IDUA: variants seen among roughly 807,000 people sequenced by gnomAD.
IDUA encodes the protein alpha-L-iduronidase, also known as iduronidase alpha-L-.
A neutral mutation model predicts 68.9 loss-of-function variants in IDUA; 65 were observed. The ratio of observed to expected loss-of-function variants is 0.94; its 90% CI spans 0.77 to 1.16. The LOEUF is 1.16. Among genes scored for constraint, IDUA ranks in the 50% most tolerant of loss-of-function variants. IDUA has a pLI of 0.00. For synonymous variants in IDUA, 529 were observed against 433.6 expected, an observed-to-expected ratio of 1.22 and a Z score of -2.73; for missense variants, 1,046 against 938.0, an observed-to-expected ratio of 1.12 and a Z score of -1.50.
At position 1,002,128 on chromosome 4, in the gene IDUA, G is replaced by A. The variant is rs540430727; in HGVS notation, c.939G>A (p.Arg313=). 1.1e-5 allele frequency: 18 copies of A among 1,566,212 alleles called. No homozygotes were observed. In the East Asian group the frequency reaches 3.1e-4, roughly 27 times the overall value. ...LVGWSLPQPW[R]ADVTYAAMVV... ...GCTGGTCCCTGCCACAGCCGTGGAGGGCGGACGTGACCTACGCGGCCATGG... is the reference window on the plus strand; with the variant it reads ...GCTGGTCCCTGCCACAGCCGTGGAGAGCGGACGTGACCTACGCGGCCATGG... The change falls in exon 7 of 14, where the codon AGG becomes AGA. Residue 313 remains arginine, a synonymous_variant. Coordinates refer to ENST00000514224, the MANE Select transcript of IDUA (RefSeq NM_000203.5).
rs1158131878 is a variant in IDUA, at chr4:1,000,941, G to A, written c.445G>A (p.Val149Met). 16 of 1,613,402 alleles carry A rather than the reference G, an allele frequency of 9.9e-6. No individual in the cohort carries two copies. Among genetic ancestry groups the A allele is most frequent in the Non-Finnish European group, 1.2e-5 (14 of 1,179,964 alleles). ...CACTGACTTTGAGGACAAGCAGCAG[G>A]TGTTTGAGTGGAAGGACTTGGTCTC... ...HFTDFEDKQQ[V>M]FEWKDLVSSL... Residue 149 changes from valine (V) to methionine (M), a missense_variant, in exon 4 of 14, where the codon GTG (valine) becomes ATG (methionine). Coordinates refer to ENST00000514224, the MANE Select transcript of IDUA (RefSeq NM_000203.5).
intron 2 of IDUA, chr4:989,033 C>T: frequency 6.3e-7 from 1 of 1,582,016 alleles, no homozygotes; most frequent in Non-Finnish European, 8.6e-7. Context: ...GCCCCGTAGT[C>T]TCGGCGCAGG....
At chr4:991,458 G>T in intron 2 of IDUA, 1 of 1,612,644 alleles carries the variant, frequency 6.2e-7, no homozygotes, top group African/African-American at 1.3e-5. Flanking sequence ...GCGGCACCAG[G>T]ATGATGCCGA....
At position 1,002,031 on chromosome 4, in the gene IDUA, A is replaced by G. The variant is rs780587786; in HGVS notation, c.842A>G (p.Gln281Arg). 6.3e-7 allele frequency: 1 copy of G among 1,598,768 alleles called. No homozygotes were observed. Among genetic ancestry groups the G allele is most frequent in the Non-Finnish European group, 8.5e-7 (1 of 1,174,354 alleles). The part of the protein sequence containing the change: ...SILEQEKVVA[Q>R]QIRQLFPKFA... ...CTGGAGCAGGAGAAGGTCGTCGCGC[A>G]GCAGATCCGGCAGCTCTTCCCCAAG... Residue 281 changes from glutamine (Q) to arginine (R), a missense_variant, in exon 7 of 14, where the codon CAG becomes CGG. Physicochemically the swap from Gln to Arg is conservative, Grantham distance 43. Coordinates refer to ENST00000514224, the MANE Select transcript of IDUA (RefSeq NM_000203.5).
intron 2 of IDUA, chr4:991,856 G>C (rs1714375032): frequency 6.6e-7 from 1 of 1,518,460 alleles, no homozygotes; most frequent in East Asian, 2.4e-5. Flanking sequence ...ATTGGTGCTG[G>C]GCCTTCTCCT....
rs1053395765 is a variant in IDUA, at chr4:1,004,244, GT to G, written c.1829-15del. 6.2e-7 allele frequency: 1 copy of G among 1,609,326 alleles called. No homozygotes were observed. The highest frequency in any genetic ancestry group is 1.3e-5 in the African/African-American group (1 of 74,886). On this transcript the variant is annotated splice_polypyrimidine_tract_variant and intron_variant, in intron 13 of 13. Coordinates refer to ENST00000514224, the MANE Select transcript of IDUA (RefSeq NM_000203.5). The surrounding 1 kb of genome is among the most constrained non-coding windows in gnomAD (Gnocchi z 5.0). The stretch of plus-strand genomic sequence containing the variant: ...GGGGCAGGTTCCGGTTGGCACACAT[GT>G]CCCCTTGTCTCCAGACACAGGTGCT...
Position 1,003,375 on chromosome 4 carries a change from C to G in IDUA, c.1555C>G (p.Pro519Ala). The G allele has an allele frequency of 6.7e-7, 1 of 1,490,054 alleles. No homozygotes were observed. The highest frequency in any genetic ancestry group is 8.9e-7 in the Non-Finnish European group (1 of 1,129,528). The allele number at this position is 1,490,054 out of a possible 1,614,324, so 92.3% of individuals were successfully genotyped here. ...GGTGGCCGCGGCGCCCCGCCCCTTA[C>G]CCGCCGGCGGCCGCCTGACCCTGCG... Reference protein sequence around the residue: ...DPVAAAPRPLPAGGRLTLRPA... With the variant: ...DPVAAAPRPLAAGGRLTLRPA... The change falls in exon 11 of 14, where the codon CCC becomes GCC. Residue 519 changes from proline (P) to alanine (A), a missense_variant. Transcript: ENST00000514224.
intron 2 of IDUA, chr4:992,074 C>T (rs1464717740): frequency 1.9e-6 from 1 of 535,910 alleles, no homozygotes; most frequent in Non-Finnish European, 3.6e-6. Flanking sequence ...CTGAAAACCA[C>T]CCTGTAGCCT....
At chr4:990,050 G>A in intron 2 of IDUA, 1 of 1,601,152 alleles carries the variant, frequency 6.2e-7, no homozygotes, top group Non-Finnish European at 8.5e-7. Flanking sequence ...ACGATGACCA[G>A]CAGCTCCGTG....
chr4:987,762 C>T, intron 1 of IDUA, 47 bp from the exon 2 acceptor site: 2 of 1,610,158 alleles, frequency 1.2e-6, no homozygotes, highest in Non-Finnish European at 1.7e-6. Context: ...GCCGCGCTGC[C>T]AGCCATGCTG....
Position 1,002,008 on chromosome 4 carries a change from G to T in IDUA, c.819G>T (p.Leu273=). ...RKGARSSISI[L]EQEKVVAQQI... Reference sequence around the variant, plus strand: ...GTGCGCGCAGCTCCATCTCCATCCTGGAGCAGGAGAAGGTCGTCGCGCAGC... The same window carrying T: ...GTGCGCGCAGCTCCATCTCCATCCTTGAGCAGGAGAAGGTCGTCGCGCAGC... The change falls in exon 7 of 14, where the codon CTG becomes CTT. Residue 273 remains leucine (L), a synonymous_variant. Transcript: ENST00000514224. 1 of 1,594,612 alleles carries T rather than the reference G, an allele frequency of 6.3e-7. No individual in the cohort carries two copies. The highest frequency in any genetic ancestry group is 1.8e-5 in the Admixed American group (1 of 56,374).
In IDUA at chr4:988,924, T is replaced by C. The variant is rs1713967212; in HGVS notation, c.299+975T>C. The C allele has an allele frequency of 3.1e-6, 5 of 1,602,732 alleles. No homozygotes were observed. The East Asian group carries it at 1.1e-4, about 36-fold the overall frequency. ...CACACTGAGGAACAGCTGCTCCTCCTCAGCCGTGTCCCCGGGGCCCTCCCC... is the reference window on the plus strand; with the variant it reads ...CACACTGAGGAACAGCTGCTCCTCCCCAGCCGTGTCCCCGGGGCCCTCCCC... On this transcript the variant is annotated intron_variant, in intron 2 of 13. Coordinates refer to ENST00000514224, the MANE Select transcript of IDUA (RefSeq NM_000203.5).
chr4:994,395 C>T (rs1236113681), intron 2 of IDUA, among the ~76,000 whole-genome samples: 2 of 151,952 alleles, frequency 1.3e-5, no homozygotes, highest in African/African-American at 4.8e-5. Flanking sequence ...CCTGCCTCAG[C>T]CTCCTGAGTA....
rs886043347 is a variant in IDUA, at chr4:1,004,329, C to T, written c.1898C>T (p.Ser633Leu). 14 of 1,611,658 alleles carry T rather than the reference C, an allele frequency of 8.7e-6. No individual in the cohort carries two copies. The highest frequency in any genetic ancestry group is 3.3e-5 in the Admixed American group (2 of 59,990). Residue 633 changes from serine (S) to leucine (L), a missense_variant, in exon 14 of 14, where the codon TCG (serine) becomes TTG (leucine). Ser to Leu is a moderately radical substitution (Grantham distance 145). Coordinates refer to ENST00000514224, the MANE Select transcript of IDUA (RefSeq NM_000203.5). This position sits in a 1 kb window ranked among gnomAD's most constrained non-coding sequence, Gnocchi z 5.0. Reference sequence around the variant, plus strand: ...TACTGGGCCCGACCAGGCCCCTTCTCGGACCCTGTGCCGTACCTGGAGGTC... The same window carrying T: ...TACTGGGCCCGACCAGGCCCCTTCTTGGACCCTGTGCCGTACCTGGAGGTC... ...LDYWARPGPF[S>L]DPVPYLEVPV...
At chr4:988,022 C>T in intron 2 of IDUA, 73 bp downstream of exon 2, 2 of 1,503,052 alleles carry the variant, frequency 1.3e-6, no homozygotes, top group Non-Finnish European at 1.8e-6. Context: ...GGGCTGGGGG[C>T]TGCTCGGAAG....
intron 2 of IDUA, chr4:991,277 G>C (rs1219815765): frequency 1.2e-6 from 2 of 1,612,598 alleles, no homozygotes; most frequent in African/African-American, 2.7e-5. Context: ...AAGCCGGCCA[G>C]CTGGAGCTCC....
Position 1,002,174 on chromosome 4 carries a change from A to G in IDUA, c.972+13A>G. 1.9e-6 allele frequency: 3 copies of G among 1,556,714 alleles called. No homozygotes were observed. Among genetic ancestry groups the G allele is most frequent in the Non-Finnish European group, 2.6e-6 (3 of 1,150,924 alleles). ...CATGGTGGTGAAGGTGGGCCGGCCC[A>G]ACGCCCTGCGCGCCCCCCGGCCACC... On this transcript the variant is annotated intron_variant, in intron 7 of 13. Transcript: ENST00000514224.
intron 2 of IDUA, chr4:990,408 AC>A (rs752571486): frequency 2.5e-5 from 38 of 1,514,374 alleles, no homozygotes; most frequent in Admixed American, 1.2e-4. Context: ...GGCGGGAGCC[AC>A]CTGCCCCTCA....
In IDUA at chr4:1,002,389, C is replaced by G. The variant is rs527336882; in HGVS notation, c.1093C>G (p.Leu365Val). Residue 365 changes from leucine to valine, a missense_variant, in exon 8 of 14, where the codon CTC becomes GTC. Physicochemically the swap from Leu to Val is conservative, Grantham distance 32. Coordinates refer to ENST00000514224, the MANE Select transcript of IDUA (RefSeq NM_000203.5). ...YHPHPFAQRT[L>V]TARFQVNNTR... is the part of the protein sequence containing the mutation. ...CCCGCACCCCTTCGCGCAGCGCACGCTCACCGCGCGCTTCCAGGTCAACAA... is the reference window on the plus strand; with the variant it reads ...CCCGCACCCCTTCGCGCAGCGCACGGTCACCGCGCGCTTCCAGGTCAACAA... 49 of 1,607,784 alleles carry G rather than the reference C, an allele frequency of 3.0e-5. No homozygotes were observed. In the East Asian group the frequency reaches 1.1e-3, roughly 35 times the overall value.
Sources: gnomAD v4.1 joint callset for allele counts (sites outside exome capture counted in the v4.1 genomes callset) on GRCh38, gnomAD v4.1.1 for gene constraint, Gnocchi (gnomAD v3.1) non-coding constraint, MANE v1.5 for transcripts, NCBI Gene and HGNC (gene_info 2026-07-23, HGNC 2026-07-21) for gene names.